The following ZCCHC2 variants were observed in gnomAD, a reference collection of about 807,000 sequenced individuals.
ZCCHC2 encodes the protein zinc finger CCHC-type containing 2.
A neutral mutation model predicts 103.6 loss-of-function variants in ZCCHC2; 39 were observed. That is an observed-to-expected ratio of 0.38 (90% confidence interval 0.29 to 0.49). The LOEUF is 0.49. ZCCHC2 is among the 20% of genes least tolerant of loss of function. The pLI, the probability that ZCCHC2 is intolerant of heterozygous loss-of-function variation, is 0.96. For synonymous variants in ZCCHC2, 687 were observed against 608.9 expected (o/e 1.13, Z -1.89); for missense variants, 1,483 against 1,491.0 (o/e 0.99, Z 0.09).
intron 9 of ZCCHC2, 31 bp downstream of exon 9, chr18:62,563,175 A>G (rs1916202002): frequency 1.3e-6 from 2 of 1,589,276 alleles, no homozygotes; most frequent in Admixed American, 3.4e-5. Context: ...GGAGCTATAT[A>G]GTTAAAGCAT....
chr18:62,574,676 G>C lies in ZCCHC2; in HGVS notation c.2595G>C (p.Thr865=). The C allele has an allele frequency of 6.2e-7, 1 of 1,613,814 alleles. No homozygotes were observed. The highest frequency in any genetic ancestry group is 8.5e-7 in the Non-Finnish European group (1 of 1,179,856). ...GSFPGSPVAT[T]DPITKSASQV... ...TCCCAGGCTCTCCTGTTGCTACCAC[G>C]GACCCCATCACAAAATCTGCATCCC... Residue 865 remains threonine, a synonymous_variant, in exon 13 of 14, where the codon ACG becomes ACC. Transcript: ENST00000269499.
At chr18:62,560,507 A>G in intron 7 of ZCCHC2, 80 bp from the exon 8 acceptor site, 1 of 1,139,538 alleles carries the variant, frequency 8.8e-7, no homozygotes, top group Admixed American at 1.8e-5. Context: ...AGTGGTTATG[A>G]TCATACAAAC....
Position 62,575,312 on chromosome 18 carries a change from G to C in ZCCHC2, c.3231G>C (p.Gln1077His). The C allele has an allele frequency of 1.9e-6, 3 of 1,613,858 alleles. No individual in the cohort carries two copies. The highest frequency in any genetic ancestry group is 2.5e-6 in the Non-Finnish European group (3 of 1,179,848). The change falls in exon 13 of 14, where the codon CAG (glutamine) becomes CAC (histidine). Residue 1077 changes from glutamine (Q) to histidine (H), a missense_variant. By Grantham distance (24) the Gln-to-His change is conservative. Transcript: ENST00000269499. ...NGNQLPFFLP[Q>H]TPYANGLVHD... ...ACCAACTTCCTTTTTTTCTGCCTCA[G>C]ACTCCATATGCAAATGGACTGGTAC...
rs566560572 is a variant in ZCCHC2, at chr18:62,546,498, A to G, written c.1200+1625A>G. Among the ~76,000 whole-genome samples, 3 of 152,290 alleles carry G rather than the reference A, an allele frequency of 2.0e-5. No homozygotes were observed. The East Asian group carries it at 5.8e-4, about 29-fold the overall frequency. On this transcript the variant is annotated intron_variant, in intron 4 of 13. Coordinates refer to ENST00000269499, the MANE Select transcript of ZCCHC2 (RefSeq NM_017742.6). Reference sequence around the variant, plus strand: ...TTGGGTTAAGGAGTAGCCTGTTTTCATTTCCCTTCTGCTGTTCTTCCCACA... The same window carrying G: ...TTGGGTTAAGGAGTAGCCTGTTTTCGTTTCCCTTCTGCTGTTCTTCCCACA...
chr18:62,567,820 C>CTG (rs1916430122), intron 11 of ZCCHC2, among the ~76,000 whole-genome samples: 1 of 151,652 alleles, frequency 6.6e-6, no homozygotes, highest in African/African-American at 2.4e-5. Context: ...TGGTGCACAC[C>CTG]TGTAATCCCA....
At chr18:62,542,668 T>A (rs920568981) in intron 3 of ZCCHC2, 94 bp downstream of exon 3, 3 of 1,054,460 alleles carry the variant, frequency 2.8e-6, no homozygotes, top group Non-Finnish European at 4.2e-6. Context: ...AGGGAAAAGG[T>A]ATATATGTTT....
intron 8 of ZCCHC2, among the ~76,000 whole-genome samples, chr18:62,562,292 G>A (rs563432573): frequency 3.3e-5 from 5 of 152,140 alleles, no homozygotes; most frequent in South Asian, 4.2e-4. Flanking sequence ...GTGAGCCACC[G>A]TGCCCAGCCG....
chr18:62,544,940 C>CA (rs1915349559), intron 4 of ZCCHC2, 67 bp downstream of exon 4: 17 of 1,238,564 alleles, frequency 1.4e-5, no homozygotes, highest in Admixed American at 3.3e-5. Context: ...ACCTCAACGT[C>CA]AAAAAAACAC....
chr18:62,576,729 C>A lies in ZCCHC2; in HGVS notation c.*150C>A, dbSNP rs2145539885. The A allele has an allele frequency of 1.6e-5, 11 of 692,818 alleles. No homozygotes were observed. The highest frequency in any genetic ancestry group is 1.4e-4 in the East Asian group (5 of 34,676). The allele number at this position is 692,818 out of a possible 1,614,324, so 42.9% of individuals were successfully genotyped here. A position where few individuals can be genotyped will look rare whatever the true frequency, so the allele number is the denominator to read the frequency against. ...TTTTCATTTCTCTTGTACCAATGTCCAAAACAAGAAAGAATGCAATGCTTT... is the reference window on the plus strand; with the variant it reads ...TTTTCATTTCTCTTGTACCAATGTCAAAAACAAGAAAGAATGCAATGCTTT... On this transcript the variant is annotated 3_prime_UTR_variant, in exon 14 of 14. Coordinates refer to ENST00000269499, the MANE Select transcript of ZCCHC2 (RefSeq NM_017742.6).
chr18:62,523,284 A>T lies in ZCCHC2; in HGVS notation c.-141A>T. ...GCCACCGCCCCCCTCGCCGGCCGAGACCCGCCCCCGGCCCCGGCCCTCCCC... is the reference window on the plus strand; with the variant it reads ...GCCACCGCCCCCCTCGCCGGCCGAGTCCCGCCCCCGGCCCCGGCCCTCCCC... On this transcript the variant is annotated 5_prime_UTR_variant, in exon 1 of 14. Coordinates refer to ENST00000269499, the MANE Select transcript of ZCCHC2 (RefSeq NM_017742.6). 18 of 551,796 alleles carry T rather than the reference A, an allele frequency of 3.3e-5. No homozygotes were observed. Among genetic ancestry groups the T allele is most frequent in the Non-Finnish European group, 4.1e-5 (18 of 440,298 alleles). 34.2% of individuals were successfully genotyped at this position (551,796 alleles called of 1,614,324 possible).
chr18:62,568,161 T>G (rs1416142801), intron 11 of ZCCHC2, among the ~76,000 whole-genome samples: 3 of 152,164 alleles, frequency 2.0e-5, no homozygotes, highest in Non-Finnish European at 4.4e-5. Flanking sequence ...TAAATGAGTC[T>G]TAACTCTAAC....
chr18:62,554,437 TCTCA>T (rs1180225640), intron 5 of ZCCHC2, among the ~76,000 whole-genome samples: 6 of 152,268 alleles, frequency 3.9e-5, no homozygotes, highest in African/African-American at 1.4e-4. Flanking sequence ...ACCTTGTTTT[TCTCA>T]CTCATTTGAT....
Position 62,523,684 on chromosome 18 carries a change from G to T in ZCCHC2, c.260G>T (p.Gly87Val), listed in dbSNP as rs773598526. Residue 87 changes from glycine to valine, a missense_variant, in exon 1 of 14, where the codon GGG becomes GTG. By Grantham distance (109) the Gly-to-Val change is moderately radical (BLOSUM62 -3). Transcript: ENST00000269499. ...GCGGGTATGCCGGGCGGCGGCGGGGGGCCCTCGGCGGCGCTGCGCGAGCAG... is the reference window on the plus strand; with the variant it reads ...GCGGGTATGCCGGGCGGCGGCGGGGTGCCCTCGGCGGCGCTGCGCGAGCAG... ...AGAGMPGGGGGPSAALREQER... is the reference protein window; with the variant it reads ...AGAGMPGGGGVPSAALREQER... The T allele has an allele frequency of 2.2e-5, 30 of 1,377,790 alleles. No individual in the cohort carries two copies. Among genetic ancestry groups the T allele is most frequent in the Admixed American group, 6.3e-5 (2 of 31,816 alleles). 85.3% of individuals were successfully genotyped at this position (1,377,790 alleles called of 1,614,324 possible). A position where few individuals can be genotyped will look rare whatever the true frequency, so the allele number is the denominator to read the frequency against.
At chr18:62,546,686 C>T (rs574970118) in intron 4 of ZCCHC2, among the ~76,000 whole-genome samples, 1 of 152,322 alleles carries the variant, frequency 6.6e-6, no homozygotes, top group Non-Finnish European at 1.5e-5. Context: ...AGGCCTAGTG[C>T]CTGGCGCATG....
intron 1 of ZCCHC2, among the ~76,000 whole-genome samples, chr18:62,528,926 A>T (rs1275262347): frequency 6.6e-6 from 1 of 152,100 alleles, no homozygotes; most frequent in Non-Finnish European, 1.5e-5. Flanking sequence ...TTTGAAAGCC[A>T]AGGCAGGTGG....
At chr18:62,564,866 C>T (rs1006369599) in intron 10 of ZCCHC2, 136 bp from the exon 11 acceptor site, 22 of 712,514 alleles carry the variant, frequency 3.1e-5, no homozygotes, top group Non-Finnish European at 3.6e-5. Context: ...CACGGAAGGG[C>T]GAATCTTAAT....
chr18:62,571,031 G>T lies in ZCCHC2; in HGVS notation c.1975+800G>T, dbSNP rs545484359. 7.9e-5 allele frequency among the ~76,000 whole-genome samples: 12 copies of T among 152,308 alleles called. No individual in the cohort carries two copies. The East Asian group carries it at 1.2e-3, about 15-fold the overall frequency. On this transcript the variant is annotated intron_variant, in intron 12 of 13. Transcript: ENST00000269499. ...CAGGAATATATTAAAGCTTTTCAAA[G>T]CCTCCTGTAGCCATCTTATTCCCCA...
chr18:62,565,368 C>G (rs909194163), intron 11 of ZCCHC2, among the ~76,000 whole-genome samples: 1 of 149,084 alleles, frequency 6.7e-6, no homozygotes, highest in African/African-American at 2.6e-5. Context: ...CCAGGTTGTT[C>G]TTCTCCAGCC....
chr18:62,551,601 G>T (rs1295792097), intron 5 of ZCCHC2: 2 of 153,178 alleles, frequency 1.3e-5, no homozygotes, highest in Non-Finnish European at 2.9e-5. Flanking sequence ...GAGTAATCGG[G>T]TAATTAAGCA....
Sources: allele counts gnomAD v4.1 joint callset (sites outside exome capture counted in the v4.1 genomes callset), GRCh38; gene constraint gnomAD v4.1.1; transcripts MANE v1.5; gene names NCBI Gene and HGNC (gene_info 2026-07-23, HGNC 2026-07-21).